TCF4: variants seen among roughly 807,000 people sequenced by gnomAD.
TCF4 encodes transcription factor 4, also known as SL3-3 enhancer factor 2.
TCF4 carries 3 observed loss-of-function variants against 82.1 expected under a neutral mutation model. The observed-to-expected ratio is 0.04, with a 90% CI of 0.02 to 0.09. The LOEUF (loss-of-function observed/expected upper bound fraction) is 0.09, where lower values mean the gene tolerates loss of function less well. TCF4 is among the 10% of genes least tolerant of loss of function. TCF4 has a pLI of 1.00. For missense variants in TCF4, 518 were observed against 852.7 expected (o/e 0.61, Z 4.89); for synonymous variants, 276 against 309.6 (o/e 0.89, Z 1.14).
chr18:55,399,473 T>TTAAA (rs1041328744), intron 6 of TCF4, among the ~76,000 whole-genome samples: 23 of 152,156 alleles, frequency 1.5e-4, no homozygotes, highest in African/African-American at 5.1e-4. Context: ...TTGGATGAGG[T>TTAAA]TAAAGCCTTG....
chr18:55,622,014 A>T (rs1249212550), intron 2 of TCF4, among the ~76,000 whole-genome samples: 6 of 131,962 alleles, frequency 4.5e-5, no homozygotes, highest in South Asian at 2.2e-4. Context: ...CACTATATAT[A>T]TTATATACAC....
At chr18:55,373,985 A>G (rs2090063187) in intron 6 of TCF4, among the ~76,000 whole-genome samples, 1 of 152,192 alleles carries the variant, frequency 6.6e-6, no homozygotes, top group Admixed American at 6.5e-5. Flanking sequence ...AATAGTAAAA[A>G]CAAAACAGTA....
chr18:55,264,203 A>G (rs1210882927), intron 11 of TCF4, among the ~76,000 whole-genome samples: 1 of 152,192 alleles, frequency 6.6e-6, no homozygotes, highest in Non-Finnish European at 1.5e-5. Flanking sequence ...AGATATTATG[A>G]CTCAGGAAAT....
Position 55,305,340 on chromosome 18 carries a change from C to T in TCF4, c.550-25684G>A, listed in dbSNP as rs374536812. Among the ~76,000 whole-genome samples the T allele has an allele frequency of 1.1e-4, 17 of 152,102 alleles. No individual in the cohort carries two copies. In the East Asian group the frequency reaches 3.1e-3, roughly 28 times the overall value. On this transcript the variant is annotated intron_variant, in intron 8 of 19. Transcript: ENST00000354452. ...ATTTTTCGATCTAAGTAATGAAAAC[C>T]ACAAAAATTCTGTCACTTACAGGGG...
At chr18:55,392,024 C>G (rs1226969372) in intron 6 of TCF4, among the ~76,000 whole-genome samples, 1 of 108,932 alleles carries the variant, frequency 9.2e-6, no homozygotes, top group Admixed American at 1.3e-4. Context: ...AGTGCAGTGG[C>G]GTGATCTGGG....
At chr18:55,236,868 A>G (rs1388532028) in intron 15 of TCF4, among the ~76,000 whole-genome samples, 1 of 152,248 alleles carries the variant, frequency 6.6e-6, no homozygotes, top group Non-Finnish European at 1.5e-5. Flanking sequence ...ACTCTAAGTC[A>G]AAATCACTGA....
At chr18:55,465,498 C>T (rs948541121) in intron 3 of TCF4, among the ~76,000 whole-genome samples, 1 of 151,860 alleles carries the variant, frequency 6.6e-6, no homozygotes, top group Non-Finnish European at 1.5e-5. Flanking sequence ...AAACAGATGT[C>T]CCCTATGGAC....
Position 55,537,501 on chromosome 18 carries a change from G to C in TCF4, c.145+47779C>G, listed in dbSNP as rs142600686. ...ACTACTCAAAACGCTGAAGTGGGAG[G>C]ATCACTTGAGCCCAGGAGGGGGTCA... On this transcript the variant is annotated intron_variant, in intron 3 of 19. Coordinates refer to ENST00000354452, the MANE Select transcript of TCF4 (RefSeq NM_001083962.2). Among the ~76,000 whole-genome samples, 24 of 152,152 alleles carry C rather than the reference G, an allele frequency of 1.6e-4. No homozygotes were observed. In the East Asian group the frequency reaches 2.9e-3, roughly 19 times the overall value.
chr18:55,586,288 T>G, intron 2 of TCF4: 1 of 850,268 alleles, frequency 1.2e-6, no homozygotes, highest in Non-Finnish European at 1.8e-6. Flanking sequence ...GTGGATTCTT[T>G]TTATTTTGCT....
chr18:55,589,481 C>T (rs1235133461), upstream of TCF4: 5 of 1,054,136 alleles, frequency 4.7e-6, no homozygotes, highest in Non-Finnish European at 5.7e-6. Flanking sequence ...CTGGTTTTTG[C>T]ATTTTCCACC....
Position 55,403,538 on chromosome 18 carries a change from A to C in TCF4, c.305-20T>G, listed in dbSNP as rs773003337. ...TTTTACCTGCCAAGAGAAACGACAA[A>C]AAAGTGTAAATTGTGTTTTTCCTTA... On this transcript the variant is annotated intron_variant, in intron 5 of 19. Coordinates refer to ENST00000354452, the MANE Select transcript of TCF4 (RefSeq NM_001083962.2). 1 of 1,613,880 alleles carries C rather than the reference A, an allele frequency of 6.2e-7. No homozygotes were observed. Among genetic ancestry groups the C allele is most frequent in the Admixed American group, 1.7e-5 (1 of 60,016 alleles).
chr18:55,531,236 G>A (rs952846912), intron 3 of TCF4, among the ~76,000 whole-genome samples: 1 of 151,992 alleles, frequency 6.6e-6, no homozygotes, highest in African/African-American at 2.4e-5. Context: ...TTACAGTCAT[G>A]AGCCACCACA....
chr18:55,419,906 C>T (rs935296649), intron 5 of TCF4, among the ~76,000 whole-genome samples: 1 of 152,170 alleles, frequency 6.6e-6, no homozygotes, highest in Non-Finnish European at 1.5e-5. Flanking sequence ...TGAAACAAAA[C>T]ATCTGGGTGT....
intron 3 of TCF4, among the ~76,000 whole-genome samples, chr18:55,568,126 A>G (rs1414026281): frequency 6.6e-6 from 1 of 151,590 alleles, no homozygotes; most frequent in Non-Finnish European, 1.5e-5. Flanking sequence ...ATAAAAAGAA[A>G]TTATGATAAA....
chr18:55,432,122 C>T (rs566249770), intron 5 of TCF4, among the ~76,000 whole-genome samples: 5 of 151,976 alleles, frequency 3.3e-5, no homozygotes, highest in Non-Finnish European at 1.5e-5. Context: ...GTAAACATGG[C>T]GAAACCCTGT....
intron 5 of TCF4, among the ~76,000 whole-genome samples, chr18:55,458,243 G>C (rs72928950): frequency 0.032 from 4,871 of 152,238 alleles, 102 homozygotes; most frequent in Non-Finnish European, 0.049. Context: ...ACCCTGATGC[G>C]ACATCACAGC....
intron 3 of TCF4, among the ~76,000 whole-genome samples, chr18:55,533,468 G>A (rs1199790678): frequency 6.6e-6 from 1 of 152,128 alleles, no homozygotes; most frequent in Non-Finnish European, 1.5e-5. Context: ...GGTTCTCTGG[G>A]CACACAGCTG....
chr18:55,618,491 G>A (rs1041159094), intron 2 of TCF4, among the ~76,000 whole-genome samples: 4 of 151,054 alleles, frequency 2.6e-5, no homozygotes, highest in Non-Finnish European at 4.4e-5. Context: ...TCTCTTTTTT[G>A]TTAGTCTATC....
Position 55,228,187 on chromosome 18 carries a change from G to A in TCF4, c.*4+34C>T, listed in dbSNP as rs6567210. 0.064 allele frequency: 103,678 copies of A among 1,613,028 alleles called. 4,090 individuals are homozygous for A. Among genetic ancestry groups the A allele is most frequent in the African/African-American group, 0.12 (8,987 of 74,952 alleles). On this transcript the variant is annotated intron_variant, in intron 19 of 19. Transcript: ENST00000354452. ...TGATACACTGATGAGAGTTTTGAAT[G>A]ATCGATCTCAGAAATGGCTGAAAAC...
Sources: gnomAD v4.1 joint callset for allele counts (sites outside exome capture counted in the v4.1 genomes callset) on GRCh38, gnomAD v4.1.1 for gene constraint, MANE v1.5 for transcripts, NCBI Gene and HGNC (gene_info 2026-07-23, HGNC 2026-07-21) for gene names.